FNDC3B: variants seen among roughly 807,000 people sequenced by gnomAD.
FNDC3B encodes fibronectin type III domain-containing protein 3B.
A neutral mutation model predicts 151.5 loss-of-function variants in FNDC3B; 12 were observed. That is an observed-to-expected ratio of 0.08 (90% CI 0.05 to 0.13). FNDC3B has a LOEUF of 0.13. Among genes scored for constraint, FNDC3B ranks in the 10% least tolerant of loss-of-function variants. The pLI is 1.00. For missense variants in FNDC3B, 1,214 were observed against 1,505.3 expected (o/e 0.81, Z 3.20); for synonymous variants, 528 against 549.0 (o/e 0.96, Z 0.54).
At chr3:172,109,356 C>T (rs1032900581) in intron 1 of FNDC3B, among the ~76,000 whole-genome samples, 5 of 151,864 alleles carry the variant, frequency 3.3e-5, no homozygotes, top group Admixed American at 6.6e-5. Flanking sequence ...TTAGTAGAGA[C>T]GGGGTTTCAC....
chr3:172,388,277 A>G (rs946652589), intron 25 of FNDC3B, among the ~76,000 whole-genome samples: 1 of 152,196 alleles, frequency 6.6e-6, no homozygotes, highest in Non-Finnish European at 1.5e-5. Context: ...GCAGCATGTT[A>G]TTTTGAATTA....
At chr3:172,328,386 G>T (rs1732465529) in intron 11 of FNDC3B, among the ~76,000 whole-genome samples, 1 of 152,220 alleles carries the variant, frequency 6.6e-6, no homozygotes, top group Non-Finnish European at 1.5e-5. Flanking sequence ...AATCAGTGAA[G>T]AAACACCATC....
chr3:172,083,584 A>G (rs1285234455), intron 1 of FNDC3B, among the ~76,000 whole-genome samples: 1 of 152,248 alleles, frequency 6.6e-6, no homozygotes, highest in Non-Finnish European at 1.5e-5. Flanking sequence ...ATGTCCTATA[A>G]TTGGGACAAT....
intron 3 of FNDC3B, among the ~76,000 whole-genome samples, chr3:172,181,352 C>G (rs1345263760): frequency 7.2e-6 from 1 of 139,090 alleles, no homozygotes; most frequent in Admixed American, 7.7e-5. Context: ...TATGATTACA[C>G]CACTGTACTC....
Position 172,161,989 on chromosome 3 carries a change from T to TTGG in FNDC3B, c.187+28443_187+28444insTGG, listed in dbSNP as rs1553767750. Among the ~76,000 whole-genome samples the TTGG allele has an allele frequency of 1.7e-3, 248 of 147,166 alleles. 1 individual carries two copies. The highest frequency in any genetic ancestry group is 3.3e-3 in the Admixed American group (49 of 14,792). On this transcript the variant is annotated intron_variant, in intron 3 of 25. Transcript: ENST00000415807. The stretch of plus-strand genomic sequence containing the variant: ...CCTCTTAGGATAATTTTTTTTTTTT[T>TTGG]GGGGGGGGACAGAGTCTCTCTCTGT...
intron 7 of FNDC3B, among the ~76,000 whole-genome samples, chr3:172,287,472 G>A (rs1160062154): frequency 1.3e-5 from 2 of 152,174 alleles, no homozygotes; most frequent in South Asian, 2.1e-4. Context: ...CTTTGCAGAC[G>A]GGGGTGCAGT....
intron 2 of FNDC3B, among the ~76,000 whole-genome samples, chr3:172,125,072 T>C (rs1351871025): frequency 6.6e-6 from 1 of 152,238 alleles, no homozygotes; most frequent in Non-Finnish European, 1.5e-5. Context: ...GACTCACCTC[T>C]CTTAGTCTTG....
At chr3:172,372,940 T>C (rs560213805) in intron 23 of FNDC3B, among the ~76,000 whole-genome samples, 1 of 152,248 alleles carries the variant, frequency 6.6e-6, no homozygotes, top group African/African-American at 2.4e-5. Flanking sequence ...CAGGGGTGAA[T>C]GATGTGGCAG....
chr3:172,387,081 C>T (rs1354053255), intron 25 of FNDC3B, among the ~76,000 whole-genome samples: 1 of 152,036 alleles, frequency 6.6e-6, no homozygotes, highest in East Asian at 1.9e-4. Flanking sequence ...CTCAGCTTCC[C>T]AAGTAGATGG....
intron 3 of FNDC3B, chr3:172,225,641 TG>T (rs1259135492): frequency 5.7e-5 from 9 of 156,838 alleles, no homozygotes; most frequent in African/African-American, 1.9e-4. Flanking sequence ...TTCTTGGGAG[TG>T]GTATGACTAC....
chr3:172,281,228 T>C (rs1486093147), intron 6 of FNDC3B, among the ~76,000 whole-genome samples: 2 of 117,310 alleles, frequency 1.7e-5, no homozygotes, highest in African/African-American at 6.9e-5. Context: ...TTTATTTATT[T>C]ATTTATTTAT....
At chr3:172,199,509 A>G (rs187958682) in intron 3 of FNDC3B, among the ~76,000 whole-genome samples, 1 of 152,304 alleles carries the variant, frequency 6.6e-6, no homozygotes, top group African/African-American at 2.4e-5. Context: ...ACACTATTGA[A>G]CTTACCAAGG....
chr3:172,224,880 G>A (rs1393945270), intron 3 of FNDC3B, among the ~76,000 whole-genome samples: 1 of 152,188 alleles, frequency 6.6e-6, no homozygotes, highest in Non-Finnish European at 1.5e-5. Context: ...TGGGAGGTGG[G>A]CTGCTAAATA....
At chr3:172,367,721 G>A (rs1734702015) in intron 23 of FNDC3B, among the ~76,000 whole-genome samples, 1 of 152,216 alleles carries the variant, frequency 6.6e-6, no homozygotes, top group Admixed American at 6.5e-5. Context: ...CTGTGGGTCT[G>A]TGTTCCCTGA....
At chr3:172,322,467 A>C (rs888774606) in intron 11 of FNDC3B, among the ~76,000 whole-genome samples, 1 of 152,220 alleles carries the variant, frequency 6.6e-6, no homozygotes, top group Non-Finnish European at 1.5e-5. Context: ...GGAAAGGGAC[A>C]TAGACTTAGA....
intron 23 of FNDC3B, among the ~76,000 whole-genome samples, chr3:172,365,766 G>T (rs73037031): frequency 0.046 from 7,030 of 152,230 alleles, 559 homozygotes; most frequent in African/African-American, 0.16. Context: ...GAGTTTTATG[G>T]GAGTCCTAGC....
chr3:172,275,633 T>C (rs1240157513), intron 6 of FNDC3B, among the ~76,000 whole-genome samples: 2 of 152,242 alleles, frequency 1.3e-5, no homozygotes, highest in African/African-American at 4.8e-5. Flanking sequence ...AGAGAGCTTC[T>C]ATTCCTCAGA....
chr3:172,311,549 G>C (rs1731491433), intron 11 of FNDC3B, among the ~76,000 whole-genome samples: 1 of 151,998 alleles, frequency 6.6e-6, no homozygotes, highest in African/African-American at 2.4e-5. Flanking sequence ...GGAAACACTT[G>C]ACCTAGAAGC....
chr3:172,193,456 T>A (rs1724666213), intron 3 of FNDC3B, among the ~76,000 whole-genome samples: 1 of 150,122 alleles, frequency 6.7e-6, no homozygotes. Flanking sequence ...ATCATATTAC[T>A]CAATTTTTAG....
Sources: gnomAD v4.1 joint callset for allele counts (sites outside exome capture counted in the v4.1 genomes callset) on GRCh38, gnomAD v4.1.1 for gene constraint, MANE v1.5 for transcripts, NCBI Gene and HGNC (gene_info 2026-07-23, HGNC 2026-07-21) for gene names.